PSMA5: variants seen among roughly 807,000 people sequenced by gnomAD.
PSMA5 encodes the protein proteasome subunit alpha type-5.
PSMA5 carries 3 observed loss-of-function variants against 34.5 expected under a neutral mutation model. That is an observed-to-expected ratio of 0.09 (90% CI 0.04 to 0.22). PSMA5 has a LOEUF of 0.22. PSMA5 is among the 10% of genes least tolerant of loss of function. The pLI is 1.00. For missense variants in PSMA5, 120 were observed against 286.1 expected, an observed-to-expected ratio of 0.42 and a Z score of 4.19; for synonymous variants, 88 against 95.8, an observed-to-expected ratio of 0.92 and a Z score of 0.47.
intron 8 of PSMA5, among the ~76,000 whole-genome samples, chr1:109,405,910 A>G (rs761231309): frequency 6.6e-6 from 1 of 152,194 alleles, no homozygotes; most frequent in Non-Finnish European, 1.5e-5. Flanking sequence ...AAAAGGCGGC[A>G]CTGGAAGTAG....
In PSMA5 at chr1:109,412,757, C is replaced by T. The variant is rs1525917; in HGVS notation, c.291+311G>A. ...CTGAGGGGAGAATATCCTTTAACTA[C>T]GTCCACCTCCTGCCATGATGCTCCC... On this transcript the variant is annotated intron_variant, in intron 4 of 8. Transcript: ENST00000271308. 75 of 239,988 alleles carry T rather than the reference C, an allele frequency of 3.1e-4. 2 individuals carry two copies. In the East Asian group the frequency reaches 3.4e-3, roughly 11 times the overall value. The allele number at this position is 239,988 out of a possible 1,614,324, so 14.9% of individuals were successfully genotyped here. A position where few individuals can be genotyped will look rare whatever the true frequency, so the allele number is the denominator to read the frequency against.
intron 8 of PSMA5, among the ~76,000 whole-genome samples, chr1:109,409,155 A>C (rs927628886): frequency 6.6e-6 from 1 of 151,650 alleles, no homozygotes; most frequent in Admixed American, 6.6e-5. Flanking sequence ...TCTCCCTTTC[A>C]TTCTTTTTAT....
intron 2 of PSMA5, among the ~76,000 whole-genome samples, chr1:109,417,307 C>T (rs1654247910): frequency 6.6e-6 from 1 of 152,080 alleles, no homozygotes; most frequent in African/African-American, 2.4e-5. Context: ...GTTAGTGATA[C>T]CTGGGTAATC....
intron 4 of PSMA5, 86 bp from the exon 5 acceptor site, chr1:109,412,270 G>A: frequency 8.7e-7 from 1 of 1,143,398 alleles, no homozygotes; most frequent in Non-Finnish European, 1.3e-6. Flanking sequence ...CCTTTAAACT[G>A]GGATTGAAAA....
At chr1:109,417,445 G>A (rs1362018064) in intron 2 of PSMA5, among the ~76,000 whole-genome samples, 1 of 152,200 alleles carries the variant, frequency 6.6e-6, no homozygotes. Flanking sequence ...AAAATTGCAA[G>A]GTGGTTCAAT....
intron 8 of PSMA5, among the ~76,000 whole-genome samples, chr1:109,406,787 A>G (rs546952562): frequency 1.3e-5 from 2 of 152,344 alleles, no homozygotes; most frequent in South Asian, 4.1e-4. Flanking sequence ...ACTTTTTGGG[A>G]GGATCAATAT....
intron 1 of PSMA5, among the ~76,000 whole-genome samples, chr1:109,422,269 A>G (rs1281538096): frequency 1.3e-5 from 2 of 152,148 alleles, no homozygotes. Flanking sequence ...ACTATCAGCC[A>G]ATTTCCAAGA....
chr1:109,408,835 C>T (rs1414569882), intron 8 of PSMA5, among the ~76,000 whole-genome samples: 12 of 152,026 alleles, frequency 7.9e-5, no homozygotes, highest in African/African-American at 2.7e-4. Flanking sequence ...GGATTACAGG[C>T]GTCCACCACC....
chr1:109,411,708 TAAC>T (rs1653996867), intron 6 of PSMA5, among the ~76,000 whole-genome samples, 166 bp downstream of exon 6: 2 of 152,114 alleles, frequency 1.3e-5, no homozygotes, highest in African/African-American at 4.8e-5. Flanking sequence ...ACAGCCTGGA[TAAC>T]AACTCCCAGG....
intron 1 of PSMA5, 95 bp from the exon 2 acceptor site, chr1:109,422,021 A>G (rs1397434206): frequency 1.4e-6 from 1 of 690,818 alleles, no homozygotes; most frequent in East Asian, 3.4e-5. Context: ...AGATAGCTAC[A>G]GAATACGCAC....
At chr1:109,404,395 AC>A (rs1300323478) in intron 8 of PSMA5, among the ~76,000 whole-genome samples, 1 of 152,162 alleles carries the variant, frequency 6.6e-6, no homozygotes, top group African/African-American at 2.4e-5. Context: ...TGACATGAGG[AC>A]AGAGAAATAT....
In PSMA5 at chr1:109,399,287, TCA is replaced by T. The variant is rs1382144183; in HGVS notation, c.*2724_*2725del. 4.6e-5 allele frequency: 7 copies of T among 152,244 alleles called. No homozygotes were observed. The highest frequency in any genetic ancestry group is 3.8e-4 in the East Asian group (2 of 5,204). 9.4% of individuals were successfully genotyped at this position (152,244 alleles called of 1,614,324 possible). Reference sequence around the variant, plus strand: ...TCACTAGAATAGTCTTTTTAAGTTCTCAGTTACTGGACTGAAAAGATAAAGCT... The same window carrying T: ...TCACTAGAATAGTCTTTTTAAGTTCTGTTACTGGACTGAAAAGATAAAGCT... On this transcript the variant is annotated 3_prime_UTR_variant, in exon 9 of 9. Coordinates refer to ENST00000271308, the MANE Select transcript of PSMA5 (RefSeq NM_002790.4).
At chr1:109,418,122 G>A (rs907208360) in intron 2 of PSMA5, among the ~76,000 whole-genome samples, 8 of 152,082 alleles carry the variant, frequency 5.3e-5, no homozygotes, top group Admixed American at 1.3e-4. Context: ...GCTGAGGTGG[G>A]AGGATCACTT....
Position 109,410,761 on chromosome 1 carries a change from T to A in PSMA5, c.561+250A>T, listed in dbSNP as rs550614426. 8.9e-4 allele frequency among the ~76,000 whole-genome samples: 135 copies of A among 152,316 alleles called. No individual in the cohort carries two copies. The highest frequency in any genetic ancestry group is 3.1e-3 in the African/African-American group (128 of 41,568). ...GATACAAACTGACTAACTGTTTAAT[T>A]CCATTTATAACAAAGCACAACAGAC... On this transcript the variant is annotated intron_variant, in intron 7 of 8. Transcript: ENST00000271308.
At chr1:109,417,580 T>C (rs571364810) in intron 2 of PSMA5, among the ~76,000 whole-genome samples, 12 of 152,298 alleles carry the variant, frequency 7.9e-5, no homozygotes, top group East Asian at 1.9e-4. Context: ...CGTCTTTGGA[T>C]TGGGGACACC....
Position 109,410,993 on chromosome 1 carries a change from G to GT in PSMA5, c.561+17dup, listed in dbSNP as rs1557841026. 1 of 1,546,044 alleles carries GT rather than the reference G, an allele frequency of 6.5e-7. No individual in the cohort carries two copies. On this transcript the variant is annotated intron_variant, in intron 7 of 8. Coordinates refer to ENST00000271308, the MANE Select transcript of PSMA5 (RefSeq NM_002790.4). ...CCATGATAAAAAAATAGTAAGAGTT[G>GT]TGAGAATACTTAATTACCTTGTGGT...
intron 2 of PSMA5, among the ~76,000 whole-genome samples, chr1:109,416,506 A>G (rs775751146): frequency 1.8e-4 from 27 of 152,186 alleles, no homozygotes; most frequent in Non-Finnish European, 2.6e-4. Flanking sequence ...AAAGCCTTCC[A>G]TGACTATGCT....
At chr1:109,411,575 T>TAC (rs111494877) in intron 6 of PSMA5, among the ~76,000 whole-genome samples, 1,590 of 151,790 alleles carry the variant, frequency 0.01, 15 homozygotes, top group African/African-American at 0.028. Context: ...TGTATATACA[T>TAC]ACACACACAC....
chr1:109,405,667 T>C (rs149250979), intron 8 of PSMA5, among the ~76,000 whole-genome samples: 69 of 152,304 alleles, frequency 4.5e-4, no homozygotes, highest in African/African-American at 1.6e-3. Flanking sequence ...CTTGAACTCC[T>C]GGCCTCAAGT....
Sources: gnomAD v4.1 joint callset for allele counts (sites outside exome capture counted in the v4.1 genomes callset) on GRCh38, gnomAD v4.1.1 for gene constraint, MANE v1.5 for transcripts, NCBI Gene and HGNC (gene_info 2026-07-23, HGNC 2026-07-21) for gene names.